The following PEAK1 variants were observed in gnomAD, a reference collection of about 807,000 sequenced individuals.
PEAK1 encodes pseudopodium enriched atypical kinase 1, also known as inactive tyrosine-protein kinase PEAK1.
PEAK1 carries 54 observed loss-of-function variants against 124.7 expected under a neutral mutation model. That is an observed-to-expected ratio of 0.43 (90% CI 0.35 to 0.54). The LOEUF is 0.54. Ranked by LOEUF, PEAK1 falls within the 20% of genes least tolerant of loss-of-function variation. PEAK1 has a pLI of 0.01. For synonymous variants in PEAK1, 719 were observed against 760.0 expected, an observed-to-expected ratio of 0.95 and a Z score of 0.89; for missense variants, 2,046 against 2,134.5, an observed-to-expected ratio of 0.96 and a Z score of 0.82.
intron 8 of PEAK1, among the ~76,000 whole-genome samples, chr15:77,154,677 C>A (rs1472321418): frequency 6.6e-6 from 1 of 152,124 alleles, no homozygotes; most frequent in Non-Finnish European, 1.5e-5. Flanking sequence ...TCAGGGCAGG[C>A]CTGGTGGTGA....
In PEAK1 at chr15:77,109,118, G is replaced by T. The variant is rs1166100421; in HGVS notation, c.*5038C>A. ...AGGTTTATAAAAACAATTACAATTT[G>T]TTAAGAAATTTCCCAAGAGTTCTTT... On this transcript the variant is annotated 3_prime_UTR_variant, in exon 10 of 10. Transcript: ENST00000682557. 2.6e-5 allele frequency: 4 copies of T among 152,118 alleles called. No individual in the cohort carries two copies. The East Asian group carries it at 7.7e-4, about 29-fold the overall frequency. The allele number at this position is 152,118 out of a possible 1,614,324, so 9.4% of individuals were successfully genotyped here.
chr15:77,268,441 T>C (rs2061854717), intron 5 of PEAK1, among the ~76,000 whole-genome samples: 1 of 151,844 alleles, frequency 6.6e-6, no homozygotes, highest in Non-Finnish European at 1.5e-5. Context: ...ACCACTGCAT[T>C]TCAGTCTGGA....
chr15:77,259,674 A>G (rs2061340260), intron 5 of PEAK1, among the ~76,000 whole-genome samples: 1 of 152,190 alleles, frequency 6.6e-6, no homozygotes, highest in South Asian at 2.1e-4. Flanking sequence ...ATAAACAATT[A>G]GAATACAGCA....
chr15:77,414,217 T>C (rs2072684081), intron 1 of PEAK1, among the ~76,000 whole-genome samples: 1 of 144,498 alleles, frequency 6.9e-6, no homozygotes. Flanking sequence ...CTTTTTTTTT[T>C]TTTTTTTTTT....
At chr15:77,102,604 T>C (rs2050705197) in exon 7 of PEAK1, 1 of 152,240 alleles carries the variant, frequency 6.6e-6, no homozygotes, top group Non-Finnish European at 1.5e-5. Context: ...ATTTTCCAAA[T>C]AGCTAACCAA....
At chr15:77,295,334 GA>G (rs1381022092) in intron 2 of PEAK1, among the ~76,000 whole-genome samples, 1 of 151,842 alleles carries the variant, frequency 6.6e-6, no homozygotes, top group Non-Finnish European at 1.5e-5. Context: ...CAATACTAAG[GA>G]AGAGAAAAAA....
chr15:77,273,308 C>A (rs534313865), intron 5 of PEAK1, among the ~76,000 whole-genome samples: 96 of 152,096 alleles, frequency 6.3e-4, no homozygotes, highest in Middle Eastern at 3.4e-3. Flanking sequence ...GCCAAACTGG[C>A]AAAGAGGAAG....
chr15:77,347,066 G>C, intron 2 of PEAK1: 1 of 359,064 alleles, frequency 2.8e-6, no homozygotes, highest in Non-Finnish European at 3.9e-6. Flanking sequence ...CAGTCTGAGG[G>C]AAGACCATTC....
At chr15:77,249,027 T>C (rs1218584922) in intron 6 of PEAK1, among the ~76,000 whole-genome samples, 1 of 152,130 alleles carries the variant, frequency 6.6e-6, no homozygotes, top group Admixed American at 6.5e-5. Context: ...TTCACCATGT[T>C]GACTAGGCTG....
chr15:77,167,786 G>A (rs1276459598), intron 7 of PEAK1, among the ~76,000 whole-genome samples: 2 of 151,906 alleles, frequency 1.3e-5, no homozygotes, highest in Non-Finnish European at 2.9e-5. Context: ...CATGCACAAC[G>A]TGCAGATTTG....
chr15:77,315,748 T>G (rs1309788738), intron 2 of PEAK1, among the ~76,000 whole-genome samples: 2 of 151,924 alleles, frequency 1.3e-5, no homozygotes, highest in Non-Finnish European at 2.9e-5. Context: ...AGAGGGACAT[T>G]CTACAATATC....
chr15:77,262,893 A>T (rs530401986), intron 5 of PEAK1, among the ~76,000 whole-genome samples: 1 of 152,316 alleles, frequency 6.6e-6, no homozygotes, highest in African/African-American at 2.4e-5. Flanking sequence ...CAGAAATTAT[A>T]ACAAACTGTC....
At position 77,108,277 on chromosome 15, in the gene PEAK1, T is replaced by C. The variant is rs2050792630; in HGVS notation, c.*5879A>G. 1 of 152,188 alleles carries C rather than the reference T, an allele frequency of 6.6e-6. No individual in the cohort carries two copies. Among genetic ancestry groups the C allele is most frequent in the Non-Finnish European group, 1.5e-5 (1 of 68,038 alleles). 9.4% of individuals were successfully genotyped at this position (152,188 alleles called of 1,614,324 possible). A position where few individuals can be genotyped will look rare whatever the true frequency, so the allele number is the denominator to read the frequency against. On this transcript the variant is annotated 3_prime_UTR_variant, in exon 10 of 10. Coordinates refer to ENST00000682557, the MANE Select transcript of PEAK1 (RefSeq NM_001385026.1). ...ACTGCTGGCAGAGAGGACCTTTCAA[T>C]GATAGATTTATACAACTTTACAATA... is the stretch of plus-strand genomic sequence containing the variant.
intron 2 of PEAK1, chr15:77,334,115 C>T (rs1250721158): frequency 3.4e-6 from 3 of 885,932 alleles, no homozygotes; most frequent in East Asian, 1.2e-4. Flanking sequence ...CTTGTTTTAT[C>T]GTTTCTAAAT....
At chr15:77,383,574 A>C (rs1022997029) in intron 1 of PEAK1, among the ~76,000 whole-genome samples, 3 of 152,196 alleles carry the variant, frequency 2.0e-5, no homozygotes, top group Non-Finnish European at 2.9e-5. Flanking sequence ...TCGGTGTGAA[A>C]AACAAAAAGC....
chr15:77,104,309 A>G (rs1256173000), downstream of PEAK1: 1 of 152,762 alleles, frequency 6.5e-6, no homozygotes, highest in Non-Finnish European at 1.5e-5. Flanking sequence ...CTGTTAGTTG[A>G]GTCAGACACC....
intron 5 of PEAK1, among the ~76,000 whole-genome samples, chr15:77,277,490 T>C (rs971151025): frequency 5.9e-5 from 9 of 152,098 alleles, no homozygotes; most frequent in African/African-American, 2.2e-4. Context: ...TATTGTTCTA[T>C]AGTTACATAA....
chr15:77,370,792 G>A lies in PEAK1; in HGVS notation c.-665-5567C>T, dbSNP rs565250771. 5.3e-6 allele frequency: 5 copies of A among 945,976 alleles called. 1 individual carries two copies. The South Asian group carries it at 2.4e-4, about 46-fold the overall frequency. The allele number at this position is 945,976 out of a possible 1,614,324, so 58.6% of individuals were successfully genotyped here. On this transcript the variant is annotated intron_variant, in intron 1 of 9. Coordinates refer to ENST00000682557, the MANE Select transcript of PEAK1 (RefSeq NM_001385026.1). The stretch of plus-strand genomic sequence containing the variant: ...CATGCCTGTAATCTCAACACTTTGG[G>A]AGGCTGAAGCAGGCGGATAATGAGG...
intron 2 of PEAK1, chr15:77,350,946 C>T: frequency 1.0e-6 from 1 of 985,190 alleles, no homozygotes; most frequent in Non-Finnish European, 1.2e-6. Flanking sequence ...TAAAGCACTC[C>T]ATTAATTACA....
Sources: gnomAD v4.1 joint callset for allele counts (sites outside exome capture counted in the v4.1 genomes callset) on GRCh38, gnomAD v4.1.1 for gene constraint, MANE v1.5 for transcripts, NCBI Gene and HGNC (gene_info 2026-07-23, HGNC 2026-07-21) for gene names.